RIMS2: variants seen among roughly 807,000 people sequenced by gnomAD.
RIMS2 encodes the protein regulating synaptic membrane exocytosis 2.
Under a neutral mutation model 174.4 loss-of-function variants are expected in RIMS2, and 59 were observed. The observed-to-expected ratio is 0.34, with a 90% CI of 0.27 to 0.42. The LOEUF (loss-of-function observed/expected upper bound fraction) is 0.42, where lower values mean the gene tolerates loss of function less well. Among genes scored for constraint, RIMS2 ranks in the 10% least tolerant of loss-of-function variants. The probability of loss-of-function intolerance (pLI) is 1.00; values close to 1 mark genes in which losing one functional copy is unlikely to be tolerated. For missense variants in RIMS2, 1,620 were observed against 1,666.3 expected (o/e 0.97, Z 0.48); for synonymous variants, 606 against 572.5 (o/e 1.06, Z -0.84).
intron 1 of RIMS2, among the ~76,000 whole-genome samples, chr8:103,510,141 T>C (rs1331654789): frequency 6.6e-6 from 1 of 152,170 alleles, no homozygotes; most frequent in African/African-American, 2.4e-5. Context: ...TCTTGTATCC[T>C]GTAACTAGGC....
rs1166388328 is a variant in RIMS2, at chr8:104,056,778, G to T, written c.3334+42163G>T. Among the ~76,000 whole-genome samples the T allele has an allele frequency of 4.6e-5, 7 of 151,964 alleles. No individual in the cohort carries two copies. The East Asian group carries it at 1.4e-3, about 30-fold the overall frequency. The stretch of plus-strand genomic sequence containing the variant: ...TGCACGCCTGTGGTCTCAGCTACTT[G>T]CAAGGCTGAGGCAGGAGGATCACTT... On this transcript the variant is annotated intron_variant, in intron 19 of 23. Transcript: ENST00000504942.
intron 2 of RIMS2, among the ~76,000 whole-genome samples, chr8:103,765,184 C>CA (rs1415882785): frequency 7.9e-5 from 12 of 152,182 alleles, no homozygotes; most frequent in African/African-American, 2.2e-4. Context: ...AGCACTCACA[C>CA]ACTTGAATTA....
At chr8:104,211,489 G>A (rs997223677) in intron 19 of RIMS2, among the ~76,000 whole-genome samples, 3 of 152,068 alleles carry the variant, frequency 2.0e-5, no homozygotes, top group Non-Finnish European at 2.9e-5. Context: ...GTTATGCTAC[G>A]TGTTTGTATT....
At chr8:103,777,021 C>CT (rs2098326067) in intron 3 of RIMS2, among the ~76,000 whole-genome samples, 1 of 152,058 alleles carries the variant, frequency 6.6e-6, no homozygotes, top group South Asian at 2.1e-4. Context: ...CTTTTCAACA[C>CT]TAAGACATTT....
intron 1 of RIMS2, among the ~76,000 whole-genome samples, chr8:103,607,611 C>T (rs2095173206): frequency 6.9e-6 from 1 of 144,074 alleles, no homozygotes; most frequent in Non-Finnish European, 1.5e-5. Context: ...AACTTGGTTC[C>T]ATTCTCCCCA....
intron 3 of RIMS2, among the ~76,000 whole-genome samples, chr8:103,793,502 T>A (rs1456101372): frequency 6.6e-6 from 1 of 152,158 alleles, no homozygotes. Flanking sequence ...CTGGAAGCAT[T>A]CCCTTTGAAA....
chr8:103,682,210 G>A (rs2136736505), intron 1 of RIMS2, among the ~76,000 whole-genome samples: 1 of 152,148 alleles, frequency 6.6e-6, no homozygotes, highest in South Asian at 2.1e-4. Flanking sequence ...TGAACTAGAG[G>A]TATACATTTA....
At position 103,998,975 on chromosome 8, in the gene RIMS2, A is replaced by G. The variant is rs118147379; in HGVS notation, c.3044+9554A>G. Among the ~76,000 whole-genome samples the G allele has an allele frequency of 1.5e-3, 224 of 151,918 alleles. 7 individuals carry two copies. In the East Asian group the frequency reaches 0.04, roughly 27 times the overall value. ...GGGGTTAATTAGAAAGAAAAGAGAG[A>G]GAAGATCTCTAAAATCTGAAAAGTT... On this transcript the variant is annotated intron_variant, in intron 17 of 23. Coordinates refer to ENST00000504942, the Ensembl canonical transcript of RIMS2.
At chr8:103,884,598 A>G (rs1037432182) in intron 3 of RIMS2, among the ~76,000 whole-genome samples, 11 of 151,890 alleles carry the variant, frequency 7.2e-5, no homozygotes, top group South Asian at 2.1e-4. Flanking sequence ...GTAGAATAAT[A>G]TCACCAAGCT....
intron 10 of RIMS2, among the ~76,000 whole-genome samples, chr8:103,923,276 C>T (rs886560417): frequency 6.6e-5 from 10 of 150,742 alleles, no homozygotes; most frequent in South Asian, 2.1e-4. Flanking sequence ...TGTGTGTGTG[C>T]GTGCGTGTCT....
intron 19 of RIMS2, among the ~76,000 whole-genome samples, chr8:104,072,922 G>A (rs1476593313): frequency 6.6e-6 from 1 of 152,148 alleles, no homozygotes; most frequent in African/African-American, 2.4e-5. Flanking sequence ...TAGTTAATCA[G>A]TGGATGATTT....
At chr8:103,924,469 A>T (rs1407332500) in intron 10 of RIMS2, among the ~76,000 whole-genome samples, 1 of 151,646 alleles carries the variant, frequency 6.6e-6, no homozygotes, top group East Asian at 1.9e-4. Context: ...TGCTCTAATG[A>T]TGTAGAGGTT....
chr8:103,954,390 A>G (rs1161322821), intron 14 of RIMS2, among the ~76,000 whole-genome samples: 1 of 152,230 alleles, frequency 6.6e-6, no homozygotes, highest in Non-Finnish European at 1.5e-5. Flanking sequence ...AACGGAAATC[A>G]TAACAAACAG....
At chr8:104,000,132 G>C (rs2095319764) in intron 17 of RIMS2, among the ~76,000 whole-genome samples, 1 of 151,530 alleles carries the variant, frequency 6.6e-6, no homozygotes, top group South Asian at 2.1e-4. Flanking sequence ...GGTAGAATTT[G>C]TAAGAATGAA....
intron 19 of RIMS2, among the ~76,000 whole-genome samples, chr8:104,229,287 A>T (rs1320592250): frequency 6.6e-6 from 1 of 152,186 alleles, no homozygotes; most frequent in Non-Finnish European, 1.5e-5. Flanking sequence ...TGGATCAGAC[A>T]AGATCATTCT....
At chr8:104,188,225 A>AGATAGAT (rs1554594253) in intron 19 of RIMS2, among the ~76,000 whole-genome samples, 1 of 113,554 alleles carries the variant, frequency 8.8e-6, no homozygotes, top group Non-Finnish European at 2.0e-5. Context: ...TTGTTCAGAT[A>AGATAGAT]GATAGATAGA....
At chr8:103,526,277 T>A (rs1833941854) in intron 1 of RIMS2, among the ~76,000 whole-genome samples, 1 of 152,222 alleles carries the variant, frequency 6.6e-6, no homozygotes, top group Non-Finnish European at 1.5e-5. Context: ...TAGTCTTTAA[T>A]TAGATTACAG....
intron 10 of RIMS2, among the ~76,000 whole-genome samples, chr8:103,924,189 T>A (rs1414724674): frequency 1.3e-5 from 2 of 151,656 alleles, no homozygotes; most frequent in South Asian, 2.1e-4. Context: ...AATTTTAGGA[T>A]TCTTGAAATC....
intron 19 of RIMS2, among the ~76,000 whole-genome samples, chr8:104,231,769 T>G (rs1011701827): frequency 7.2e-5 from 11 of 152,232 alleles, no homozygotes; most frequent in South Asian, 2.1e-4. Flanking sequence ...TATTTTTGCC[T>G]TTTTCTGAAC....
Sources: gnomAD v4.1 joint callset for allele counts (sites outside exome capture counted in the v4.1 genomes callset) on GRCh38, gnomAD v4.1.1 for gene constraint, MANE v1.5 for transcripts, NCBI Gene and HGNC (gene_info 2026-07-23, HGNC 2026-07-21) for gene names.